GABRG3: variants seen among roughly 807,000 people sequenced by gnomAD.
GABRG3 encodes the protein gamma-aminobutyric acid type A receptor subunit gamma3, also known as gamma-aminobutyric acid receptor subunit gamma-3.
A neutral mutation model predicts 48.8 loss-of-function variants in GABRG3; 25 were observed. The ratio of observed to expected loss-of-function variants is 0.51; its 90% CI spans 0.37 to 0.72. GABRG3 has a LOEUF of 0.72. Among genes scored for constraint, GABRG3 ranks in the 30% least tolerant of loss-of-function variants. The pLI is 0.00. For synonymous variants in GABRG3, 227 were observed against 217.6 expected, an observed-to-expected ratio of 1.04 and a Z score of -0.38; for missense variants, 394 against 577.9, an observed-to-expected ratio of 0.68 and a Z score of 3.26.
rs1168932479 is a variant in GABRG3 at position 27,532,610 on chromosome 15, T to C, written c.1133T>C (p.Leu378Pro). 3 of 1,613,656 alleles carry C rather than the reference T, an allele frequency of 1.9e-6. No homozygotes were observed. Among genetic ancestry groups the C allele is most frequent in the Non-Finnish European group, 2.5e-6 (3 of 1,179,820 alleles). Residue 378 changes from leucine (L) to proline (P), a missense_variant, in exon 10 of 10, where the codon CTC becomes CCC. Physicochemically the swap from Leu to Pro is moderately conservative, Grantham distance 98. Transcript: ENST00000615808. Reference sequence around the variant, plus strand: ...TTTTGTTGCTTGCAGAACTATTCCCTCCTGGACATGAGGCCACCACCAACT... The same window carrying C: ...TTTTGTTGCTTGCAGAACTATTCCCCCCTGGACATGAGGCCACCACCAACT... Reference protein sequence around the residue: ...ISLQAPSNYSLLDMRPPPTAM... With the variant: ...ISLQAPSNYSPLDMRPPPTAM...
At chr15:27,225,375 C>T (rs1889579547) in intron 3 of GABRG3, among the ~76,000 whole-genome samples, 1 of 152,112 alleles carries the variant, frequency 6.6e-6, no homozygotes, top group Non-Finnish European at 1.5e-5. Flanking sequence ...GTAGCAGAAT[C>T]GGAGCCGGTG....
chr15:27,460,756 C>G (rs1488394147), intron 5 of GABRG3, among the ~76,000 whole-genome samples: 1 of 152,136 alleles, frequency 6.6e-6, no homozygotes, highest in Non-Finnish European at 1.5e-5. Flanking sequence ...ACATGACTAC[C>G]TCCAGGCCCC....
intron 3 of GABRG3, among the ~76,000 whole-genome samples, chr15:27,093,205 C>T (rs1897219874): frequency 6.6e-6 from 1 of 151,956 alleles, no homozygotes; most frequent in Admixed American, 6.6e-5. Flanking sequence ...TCACATGTGG[C>T]CAGGTTGGTG....
At chr15:27,121,551 G>T (rs1566940602) in intron 3 of GABRG3, among the ~76,000 whole-genome samples, 3 of 152,162 alleles carry the variant, frequency 2.0e-5, no homozygotes, top group Non-Finnish European at 4.4e-5. Flanking sequence ...TAGAGGCTGT[G>T]CCTGGGGCTG....
chr15:27,148,706 A>G (rs909083872), intron 3 of GABRG3, among the ~76,000 whole-genome samples: 10 of 152,076 alleles, frequency 6.6e-5, no homozygotes, highest in African/African-American at 2.4e-4. Flanking sequence ...TAAAAAAATC[A>G]TTCTATGTAA....
intron 3 of GABRG3, chr15:27,294,744 G>A (rs1891921467): frequency 6.6e-6 from 1 of 152,116 alleles, no homozygotes. Flanking sequence ...TGAGAATCAC[G>A]TCTGTAAACC....
chr15:27,284,120 A>G (rs1332486623), intron 3 of GABRG3, among the ~76,000 whole-genome samples: 1 of 152,224 alleles, frequency 6.6e-6, no homozygotes, highest in Non-Finnish European at 1.5e-5. Context: ...AATTAGAAGT[A>G]GAGACTTATA....
At chr15:27,513,003 C>T (rs1453116044) in intron 6 of GABRG3, among the ~76,000 whole-genome samples, 1 of 152,080 alleles carries the variant, frequency 6.6e-6, no homozygotes, top group Non-Finnish European at 1.5e-5. Flanking sequence ...TCCCTATGAT[C>T]TTGGACCAAG....
At chr15:27,529,489 A>G (rs1270276338) in intron 9 of GABRG3, among the ~76,000 whole-genome samples, 1 of 152,168 alleles carries the variant, frequency 6.6e-6, no homozygotes, top group African/African-American at 2.4e-5. Flanking sequence ...CTTGCTAATC[A>G]GGACCTCATA....
intron 5 of GABRG3, among the ~76,000 whole-genome samples, chr15:27,373,152 A>G (rs1459236060): frequency 2.0e-5 from 3 of 152,184 alleles, no homozygotes; most frequent in African/African-American, 7.2e-5. Context: ...CTTAATCAGG[A>G]AAAGGTGCCT....
At chr15:27,459,316 A>G (rs184758657) in intron 5 of GABRG3, among the ~76,000 whole-genome samples, 107 of 152,318 alleles carry the variant, frequency 7.0e-4, no homozygotes, top group African/African-American at 2.4e-3. Context: ...GGACAGCTGC[A>G]TGCCTCAAGT....
At chr15:27,274,977 C>T (rs956619829) in intron 3 of GABRG3, among the ~76,000 whole-genome samples, 16 of 152,060 alleles carry the variant, frequency 1.1e-4, no homozygotes, top group East Asian at 7.7e-4. Context: ...TAAAGACCAA[C>T]GCCATAGAAA....
rs1891773535 is a variant in GABRG3, at chr15:27,290,882, T to C, written c.271-35927T>C. On this transcript the variant is annotated intron_variant, in intron 3 of 9. Transcript: ENST00000615808. ...AATTGTAACACATATACCATACTAA[T>C]GTAATATGTCAATAATACGAAAAAG... Among the ~76,000 whole-genome samples the C allele has an allele frequency of 2.6e-5, 4 of 152,166 alleles. No homozygotes were observed. In the South Asian group the frequency reaches 8.3e-4, roughly 32 times the overall value.
intron 5 of GABRG3, among the ~76,000 whole-genome samples, chr15:27,370,445 A>G (rs529773295): frequency 1.3e-5 from 2 of 152,322 alleles, no homozygotes; most frequent in Admixed American, 1.3e-4. Flanking sequence ...TAACGCTGCC[A>G]GTCTCCTACC....
chr15:26,986,204 A>G (rs928232759), intron 2 of GABRG3, among the ~76,000 whole-genome samples: 2 of 152,164 alleles, frequency 1.3e-5, no homozygotes, highest in Admixed American at 6.5e-5. Context: ...TATCCAGAAA[A>G]TAATTCAAAT....
chr15:27,525,461 C>T (rs1234915085), intron 7 of GABRG3, among the ~76,000 whole-genome samples: 2 of 151,946 alleles, frequency 1.3e-5, no homozygotes, highest in South Asian at 2.1e-4. Flanking sequence ...TACTAGGTAG[C>T]TTAGATCCCT....
At chr15:27,044,735 G>A (rs938732387) in intron 3 of GABRG3, among the ~76,000 whole-genome samples, 1 of 152,226 alleles carries the variant, frequency 6.6e-6, no homozygotes, top group African/African-American at 2.4e-5. Context: ...AATGTTAATG[G>A]ACAGAGAAAA....
chr15:26,999,327 G>A (rs931899178), intron 2 of GABRG3, among the ~76,000 whole-genome samples: 16 of 152,050 alleles, frequency 1.1e-4, no homozygotes, highest in Non-Finnish European at 4.4e-5. Context: ...TGAGACTTAA[G>A]AACTCATGGA....
In GABRG3 at chr15:27,503,821, T is replaced by C. The variant is rs77431594; in HGVS notation, c.713-16151T>C. Among the ~76,000 whole-genome samples the C allele has an allele frequency of 6.5e-3, 992 of 152,348 alleles. 12 individuals carry two copies. Among genetic ancestry groups the C allele is most frequent in the African/African-American group, 0.023 (941 of 41,586 alleles). On this transcript the variant is annotated intron_variant, in intron 6 of 9. Coordinates refer to ENST00000615808, the MANE Select transcript of GABRG3 (RefSeq NM_033223.5). ...ATTCATCTATTTCTCCTTGCAATTC[T>C]GTCCATTTTTATTTCATGAATTTGG... is the stretch of plus-strand genomic sequence containing the variant.
Sources: allele counts gnomAD v4.1 joint callset (sites outside exome capture counted in the v4.1 genomes callset), GRCh38; gene constraint gnomAD v4.1.1; transcripts MANE v1.5; gene names NCBI Gene and HGNC (gene_info 2026-07-23, HGNC 2026-07-21).